Variants in TTC3 observed in about 807,000 individuals in gnomAD.
TTC3 encodes E3 ubiquitin-protein ligase TTC3.
Under a neutral mutation model 249.6 loss-of-function variants are expected in TTC3, and 180 were observed. The observed-to-expected ratio is 0.72, with a 90% CI of 0.64 to 0.82. The LOEUF is 0.82. TTC3 is among the 40% of genes least tolerant of loss of function. The probability of loss-of-function intolerance (pLI) is 0.00; values close to 1 mark genes in which losing one functional copy is unlikely to be tolerated. For missense variants in TTC3, 2,061 were observed against 2,398.4 expected, an observed-to-expected ratio of 0.86 and a Z score of 2.94; for synonymous variants, 717 against 805.0, an observed-to-expected ratio of 0.89 and a Z score of 1.85.
In TTC3 at chr21:37,096,561, A is replaced by G. The variant is rs753182503; in HGVS notation, c.783-20A>G. ...TCATGTGTAATGTGCTTTACTGACT[A>G]AACATTGTATCTTTTTAAGACCTGA... On this transcript the variant is annotated intron_variant, in intron 9 of 45. Transcript: ENST00000355666. 6.3e-7 allele frequency: 1 copy of G among 1,587,462 alleles called. No homozygotes were observed.
chr21:37,150,274 A>G (rs2079342769), intron 24 of TTC3, 104 bp downstream of exon 24: 2 of 823,732 alleles, frequency 2.4e-6, no homozygotes, highest in Non-Finnish European at 4.0e-6. Flanking sequence ...GATCTTTTCC[A>G]GGAAAGAAAC....
intron 1 of TTC3, chr21:37,073,470 T>C: frequency 4.1e-6 from 4 of 985,782 alleles, no homozygotes; most frequent in Non-Finnish European, 4.8e-6. Context: ...TCCGTGGGTG[T>C]GTGGTGAGTG....
chr21:37,087,141 G>A lies in TTC3; in HGVS notation c.-11-106G>A, dbSNP rs548530692. The stretch of plus-strand genomic sequence containing the variant: ...GTTCTGATAGGAGTTATTTCCTTGG[G>A]CATAGGTTCCAAGTATTTTTCTAAT... On this transcript the variant is annotated intron_variant, in intron 1 of 45. Coordinates refer to ENST00000355666, the Ensembl canonical transcript of TTC3. 438 of 1,274,374 alleles carry A rather than the reference G, an allele frequency of 3.4e-4. 2 individuals carry two copies. In the African/African-American group the frequency reaches 4.1e-3, roughly 12 times the overall value. The allele number at this position is 1,274,374 out of a possible 1,614,324, so 78.9% of individuals were successfully genotyped here.
chr21:37,159,351 G>T (rs147422584), intron 28 of TTC3, among the ~76,000 whole-genome samples: 1 of 152,156 alleles, frequency 6.6e-6, no homozygotes, highest in Non-Finnish European at 1.5e-5. Context: ...TCCTTAGCAC[G>T]CTGGGTTACA....
At chr21:37,202,323 T>C (rs1480888136) in exon 46 of TTC3, 3 of 152,282 alleles carry the variant, frequency 2.0e-5, no homozygotes, top group Admixed American at 1.3e-4. Context: ...CGAGGCTGTG[T>C]GTCCGTCATC....
intron 11 of TTC3, among the ~76,000 whole-genome samples, chr21:37,109,491 C>T (rs1403513378): frequency 6.6e-6 from 1 of 152,218 alleles, no homozygotes; most frequent in East Asian, 1.9e-4. Context: ...GATCAAACTG[C>T]AAGGTGGCAG....
rs138094367 is a variant in TTC3, at chr21:37,097,482, A to G, written c.845+839A>G. On this transcript the variant is annotated intron_variant, in intron 10 of 45. Coordinates refer to ENST00000355666, the Ensembl canonical transcript of TTC3. ...ATTCTCAGAACCAAGCTACATAGGC[A>G]TAAGGTCCTGCATAGGTATTAGTTA... Among the ~76,000 whole-genome samples the G allele has an allele frequency of 3.9e-5, 6 of 152,342 alleles. No individual in the cohort carries two copies. In the East Asian group the frequency reaches 1.2e-3, roughly 29 times the overall value.
chr21:37,126,061 T>C lies in TTC3; in HGVS notation c.1234-19T>C. Reference sequence around the variant, plus strand: ...GGGTTGTTTTTTTTTTTTTTAAGTCTCACTAATTTCATTGGCAGGTGGCGG... The same window carrying C: ...GGGTTGTTTTTTTTTTTTTTAAGTCCCACTAATTTCATTGGCAGGTGGCGG... On this transcript the variant is annotated intron_variant, in intron 14 of 45. Coordinates refer to ENST00000355666, the Ensembl canonical transcript of TTC3. The C allele has an allele frequency of 1.3e-6, 2 of 1,577,274 alleles. No homozygotes were observed. Among genetic ancestry groups the C allele is most frequent in the South Asian group, 1.2e-5 (1 of 85,462 alleles).
rs372344212 is a variant in TTC3 at position 37,150,190 on chromosome 21, C to T, written c.2211+20C>T. ...TGTGAAGTAAGTAATAAAGGGGAAA[C>T]CTTGTTAGATAGATAACCAAAATGT... is the stretch of plus-strand genomic sequence containing the variant. On this transcript the variant is annotated intron_variant, in intron 24 of 45. Transcript: ENST00000355666. 5 of 1,563,598 alleles carry T rather than the reference C, an allele frequency of 3.2e-6. No individual in the cohort carries two copies. In the Admixed American group the frequency reaches 6.9e-5, roughly 22 times the overall value.
At chr21:37,094,568 G>C (rs2073706194) in intron 8 of TTC3, among the ~76,000 whole-genome samples, 1 of 152,070 alleles carries the variant, frequency 6.6e-6, no homozygotes, top group Non-Finnish European at 1.5e-5. Context: ...CTCATGCTTT[G>C]CAATTAATCT....
At chr21:37,171,077 A>G (rs958922363) in intron 34 of TTC3, among the ~76,000 whole-genome samples, 5 of 152,066 alleles carry the variant, frequency 3.3e-5, no homozygotes, top group East Asian at 1.9e-4. Flanking sequence ...TATTTGACCA[A>G]TTTCTTGTTG....
chr21:37,143,418 A>C (rs1333237903), intron 20 of TTC3, among the ~76,000 whole-genome samples: 2 of 151,996 alleles, frequency 1.3e-5, no homozygotes, highest in Non-Finnish European at 1.5e-5. Context: ...CAACCCCATC[A>C]AAAAGTGGGC....
At chr21:37,178,982 C>T (rs2082507194) in intron 35 of TTC3, among the ~76,000 whole-genome samples, 1 of 151,584 alleles carries the variant, frequency 6.6e-6, no homozygotes, top group Admixed American at 6.6e-5. Flanking sequence ...AAAAAAGAAA[C>T]AAAACAGGGC....
rs1601442108 is a variant in TTC3 at position 37,103,995 on chromosome 21, G to A, written c.846-4397G>A. The stretch of plus-strand genomic sequence containing the variant: ...TAGTGAAAATGGATCTGAAGGGGAT[G>A]TAGTGTGGATGTAGGTTAGGAGGCT... On this transcript the variant is annotated intron_variant, in intron 10 of 45. Transcript: ENST00000355666. 3.9e-5 allele frequency among the ~76,000 whole-genome samples: 6 copies of A among 152,200 alleles called. No individual in the cohort carries two copies. In the South Asian group the frequency reaches 1.2e-3, roughly 32 times the overall value.
At chr21:37,096,540 G>T in intron 9 of TTC3, 41 bp from the exon 10 acceptor site, 3 of 1,441,086 alleles carry the variant, frequency 2.1e-6, no homozygotes, top group African/African-American at 1.4e-5. Context: ...TTTGTTTCAT[G>T]TGTAATGTGC....
At chr21:37,193,115 G>A (rs2084387927) in intron 41 of TTC3, among the ~76,000 whole-genome samples, 1 of 152,184 alleles carries the variant, frequency 6.6e-6, no homozygotes, top group African/African-American at 2.4e-5. Flanking sequence ...TAAAGACGGA[G>A]GAGACTCTCT....
intron 1 of TTC3, among the ~76,000 whole-genome samples, chr21:37,074,239 G>C (rs976869723): frequency 1.3e-4 from 20 of 152,246 alleles, no homozygotes; most frequent in African/African-American, 2.9e-4. Context: ...TAATGGGAAG[G>C]GGGGTGGACA....
At chr21:37,147,227 A>G (rs2835628) in intron 21 of TTC3, among the ~76,000 whole-genome samples, 123,948 of 152,174 alleles carry the variant, frequency 0.81, 51,364 homozygotes, top group East Asian at 0.99. Flanking sequence ...TTGTAACAGG[A>G]CAAAATTTTG....
At chr21:37,121,857 A>T in exon 12 of TTC3, 1 of 1,609,798 alleles carries the variant, frequency 6.2e-7, no homozygotes, top group Non-Finnish European at 8.5e-7. Flanking sequence ...ATGCTGGGGG[A>T]ATATGACTGG....
Sources: gnomAD v4.1 joint callset for allele counts (sites outside exome capture counted in the v4.1 genomes callset) on GRCh38, gnomAD v4.1.1 for gene constraint, MANE v1.5 for transcripts, NCBI Gene and HGNC (gene_info 2026-07-23, HGNC 2026-07-21) for gene names.